Variants in TJP3 observed in about 807,000 individuals in gnomAD.
TJP3 encodes the protein tight junction protein ZO-3.
In TJP3, 85 loss-of-function variants were observed where a neutral mutation model predicts 104.2. That is an observed-to-expected ratio of 0.82 (90% CI 0.68 to 0.98). TJP3 has a LOEUF of 0.98. Ranked by LOEUF, TJP3 falls within the 50% of genes least tolerant of loss-of-function variation. TJP3 has a pLI of 0.00. For missense variants in TJP3, 1,367 were observed against 1,322.8 expected (o/e 1.03, Z -0.52); for synonymous variants, 550 against 550.6 (o/e 1.00, Z 0.02).
At chr19:3,748,713 C>T (rs2036942830) in intron 19 of TJP3, among the ~76,000 whole-genome samples, 1 of 151,146 alleles carries the variant, frequency 6.6e-6, no homozygotes, top group South Asian at 2.1e-4. Flanking sequence ...GGATTACAGG[C>T]GTGCACCACC....
chr19:3,741,759 A>C lies in TJP3; in HGVS notation c.1843+996A>C, dbSNP rs1330677916. Among the ~76,000 whole-genome samples, 3 of 149,170 alleles carry C rather than the reference A, an allele frequency of 2.0e-5. No individual in the cohort carries two copies. The East Asian group carries it at 6.1e-4, about 30-fold the overall frequency. On this transcript the variant is annotated intron_variant, in intron 14 of 20. Coordinates refer to ENST00000541714, the MANE Select transcript of TJP3 (RefSeq NM_001267560.2). Reference sequence around the variant, plus strand: ...TGAGGCAGGTGGATCACCTGAGGTCAGGAGCTCTAGACCAGCCTGGCCCAC... The same window carrying C: ...TGAGGCAGGTGGATCACCTGAGGTCCGGAGCTCTAGACCAGCCTGGCCCAC...
intron 15 of TJP3, among the ~76,000 whole-genome samples, chr19:3,744,805 G>A (rs1030610118): frequency 6.6e-6 from 1 of 152,064 alleles, no homozygotes; most frequent in Non-Finnish European, 1.5e-5. Context: ...GCGCATGCCT[G>A]TAATCCCAGC....
Position 3,735,640 on chromosome 19 carries a change from G to A in TJP3, c.1060+1G>A, listed in dbSNP as rs1023383279. 2 of 1,614,202 alleles carry A rather than the reference G, an allele frequency of 1.2e-6. No homozygotes were observed. The highest frequency in any genetic ancestry group is 8.5e-7 in the Non-Finnish European group (1 of 1,180,046). On this transcript the variant is annotated splice_donor_variant, in intron 9 of 20. Transcript: ENST00000541714. LOFTEE classifies it high-confidence loss of function. ...TCGGAACCAGATGAGCAACGGTCAG[G>A]TGGGTGGTGACTCTGAGCACCCCTG... is the stretch of plus-strand genomic sequence containing the variant.
Position 3,730,166 on chromosome 19 carries a change from G to C in TJP3, c.261+36G>C. 6.2e-7 allele frequency: 1 copy of C among 1,601,362 alleles called. No individual in the cohort carries two copies. The highest frequency in any genetic ancestry group is 8.6e-7 in the Non-Finnish European group (1 of 1,168,730). ...AGCCCCTGGCATGGCCAGCATCTCT[G>C]ACCCCAGCCTGGGTCGTGCCGCTGT... On this transcript the variant is annotated intron_variant, in intron 4 of 20. Transcript: ENST00000541714. The surrounding 1 kb of genome is among the most constrained non-coding windows in gnomAD (Gnocchi z 7.3).
Position 3,750,774 on chromosome 19 carries a change from C to T in TJP3, c.*90C>T, listed in dbSNP as rs372462135. The stretch of plus-strand genomic sequence containing the variant: ...CATACAGAACCCACAACCTTACCTC[C>T]CTCCGCCTGGTCTTTAATAAACAGA... On this transcript the variant is annotated 3_prime_UTR_variant, in exon 21 of 21. Coordinates refer to ENST00000541714, the MANE Select transcript of TJP3 (RefSeq NM_001267560.2). 1.7e-6 allele frequency: 2 copies of T among 1,170,110 alleles called. No homozygotes were observed. The highest frequency in any genetic ancestry group is 3.1e-5 in the African/African-American group (2 of 65,376). 72.5% of individuals were successfully genotyped at this position (1,170,110 alleles called of 1,614,324 possible).
At chr19:3,717,647 C>T (rs918072391) in intron 1 of TJP3, among the ~76,000 whole-genome samples, 1 of 151,850 alleles carries the variant, frequency 6.6e-6, no homozygotes, top group African/African-American at 2.4e-5. Flanking sequence ...GTGGGCCAGG[C>T]TGGCCTCCAA....
At position 3,746,630 on chromosome 19, in the gene TJP3, G is replaced by T. The variant is rs142067032; in HGVS notation, c.2156G>T (p.Arg719Leu). Reference sequence around the variant, plus strand: ...CAGTGGCTGGCGCCTGCCTCCCGCCGCAGCACCCGTCGCCTCTACGCACAA... The same window carrying T: ...CAGTGGCTGGCGCCTGCCTCCCGCCTCAGCACCCGTCGCCTCTACGCACAA... Reference protein sequence around the residue: ...LRQWLAPASRRSTRRLYAQAQ... With the variant: ...LRQWLAPASRLSTRRLYAQAQ... Residue 719 changes from arginine (R) to leucine (L), a missense_variant, in exon 17 of 21, where the codon CGC (arginine) becomes CTC (leucine). Physicochemically the swap from Arg to Leu is moderately radical, Grantham distance 102. Transcript: ENST00000541714. The surrounding 1 kb of genome is among the most constrained non-coding windows in gnomAD (Gnocchi z 4.1). 6.2e-7 allele frequency: 1 copy of T among 1,613,166 alleles called. No homozygotes were observed. The highest frequency in any genetic ancestry group is 1.1e-5 in the South Asian group (1 of 91,054).
chr19:3,740,657 T>C lies in TJP3; in HGVS notation c.1737T>C (p.Gly579=). ...NARAEFWRLR[G]LRRGAKKTTQ... ...GGGCCGAGTTCTGGCGGCTGCGGGGTCTTCGTCGAGGAGCCAAGAAGACCA... is the reference window on the plus strand; with the variant it reads ...GGGCCGAGTTCTGGCGGCTGCGGGGCCTTCGTCGAGGAGCCAAGAAGACCA... The change falls in exon 14 of 21, where the codon GGT becomes GGC. Residue 579 remains glycine (G), a synonymous_variant. Transcript: ENST00000541714. 2 of 1,606,080 alleles carry C rather than the reference T, an allele frequency of 1.2e-6. No homozygotes were observed. Among genetic ancestry groups the C allele is most frequent in the Non-Finnish European group, 1.7e-6 (2 of 1,176,958 alleles).
At position 3,730,387 on chromosome 19, in the gene TJP3, C is replaced by A; in HGVS notation, c.294C>A (p.Pro98=). The A allele has an allele frequency of 1.9e-6, 3 of 1,554,000 alleles. No homozygotes were observed. The highest frequency in any genetic ancestry group is 2.6e-6 in the Non-Finnish European group (3 of 1,152,626). The change falls in exon 5 of 21, where the codon CCC becomes CCA. Residue 98 remains proline (P), a synonymous_variant. Coordinates refer to ENST00000541714, the MANE Select transcript of TJP3 (RefSeq NM_001267560.2). The surrounding 1 kb of genome is among the most constrained non-coding windows in gnomAD (Gnocchi z 7.3). ...AACGTCCCCGGAGGATCCACCTGCC[C>A]GCCACCAAAGCCAGCCCCTCCAGCC... ...TVKRPRRIHL[P]ATKASPSSPG... is the part of the protein sequence containing the mutation.
intron 14 of TJP3, among the ~76,000 whole-genome samples, chr19:3,742,328 C>A (rs377371211): frequency 1.3e-5 from 2 of 150,962 alleles, no homozygotes; most frequent in African/African-American, 4.9e-5. Flanking sequence ...AGCTACTTGG[C>A]AGGCTGAGGT....
chr19:3,712,079 G>A (rs1191244077), intron 1 of TJP3, among the ~76,000 whole-genome samples: 2 of 152,148 alleles, frequency 1.3e-5, no homozygotes, highest in African/African-American at 4.8e-5. Flanking sequence ...ATTTTGGGAG[G>A]CCAAGGCAGG....
In TJP3 at chr19:3,746,029, ACAGCCCCT is replaced by A; in HGVS notation, c.1960_1967del (p.Ser654GlnfsTer94). On this transcript the variant is annotated frameshift_variant, in exon 16 of 21. Transcript: ENST00000541714. LOFTEE classifies it high-confidence loss of function. This position sits in a 1 kb window ranked among gnomAD's most constrained non-coding sequence, Gnocchi z 4.1. Reference sequence around the variant, plus strand: ...TCCACAGAGACTGTGTCCAGGACCGACAGCCCCTCCAAGATCATCAAACTAGACACCGT... The same window carrying A: ...TCCACAGAGACTGTGTCCAGGACCGACCAAGATCATCAAACTAGACACCGT... 6.2e-7 allele frequency: 1 copy of A among 1,609,010 alleles called. No individual in the cohort carries two copies. Among genetic ancestry groups the A allele is most frequent in the Non-Finnish European group, 8.5e-7 (1 of 1,177,576 alleles).
In TJP3 at chr19:3,739,119, T is replaced by C; in HGVS notation, c.1616T>C (p.Ile539Thr). ...CTGCGGGAGCAAGAGCGGGGCATCA[T>C]TCCCAACCAGAGCAGGTGGGGACTG... Reference protein sequence around the residue: ...RDLREQERGIIPNQSRAEQLA... With the variant: ...RDLREQERGITPNQSRAEQLA... Residue 539 changes from isoleucine (I) to threonine (T), a missense_variant, in exon 13 of 21, where the codon ATT becomes ACT. Physicochemically the swap from Ile to Thr is moderately conservative, Grantham distance 89. Coordinates refer to ENST00000541714, the MANE Select transcript of TJP3 (RefSeq NM_001267560.2). 1 of 1,562,606 alleles carries C rather than the reference T, an allele frequency of 6.4e-7. No homozygotes were observed. Among genetic ancestry groups the C allele is most frequent in the Non-Finnish European group, 8.7e-7 (1 of 1,151,676 alleles).
intron 3 of TJP3, 36 bp from the exon 4 acceptor site, chr19:3,729,992 A>G (rs746788490): frequency 2.5e-6 from 4 of 1,593,522 alleles, no homozygotes; most frequent in South Asian, 1.1e-5. Flanking sequence ...TCTCCCCTGC[A>G]AAGCCTCCTC....
chr19:3,748,324 T>C (rs1163775061), intron 19 of TJP3, among the ~76,000 whole-genome samples: 1 of 144,854 alleles, frequency 6.9e-6, no homozygotes, highest in Non-Finnish European at 1.5e-5. Context: ...TAGGCTGGAG[T>C]GCAATGGCGC....
chr19:3,749,705 A>G lies in TJP3; in HGVS notation c.2611-433A>G, dbSNP rs117416680. 158 of 187,902 alleles carry G rather than the reference A, an allele frequency of 8.4e-4. 3 individuals carry two copies. The East Asian group carries it at 0.02, about 23-fold the overall frequency. 11.6% of individuals were successfully genotyped at this position (187,902 alleles called of 1,614,324 possible). On this transcript the variant is annotated intron_variant, in intron 19 of 20. Coordinates refer to ENST00000541714, the MANE Select transcript of TJP3 (RefSeq NM_001267560.2). ...TAGCTCTTAGTGTATATGCCTCAGC[A>G]TCTTCTTCCACACCCTCTCTAGGTC... is the stretch of plus-strand genomic sequence containing the variant.
At chr19:3,734,984 A>G (rs1452401340) in intron 8 of TJP3, among the ~76,000 whole-genome samples, 1 of 151,754 alleles carries the variant, frequency 6.6e-6, no homozygotes, top group Non-Finnish European at 1.5e-5. Flanking sequence ...TCCTCTATTT[A>G]TTTATTTGTT....
intron 1 of TJP3, among the ~76,000 whole-genome samples, chr19:3,722,862 G>T (rs1178858276): frequency 7.8e-6 from 1 of 127,888 alleles, no homozygotes; most frequent in Non-Finnish European, 1.6e-5. Flanking sequence ...GTGGCGGGGG[G>T]GGGGGGCACA....
Position 3,739,061 on chromosome 19 carries a change from G to A in TJP3, c.1558G>A (p.Gly520Ser). ...CCCCGGGCAGAGCCACGCACGAGGAGGCCACTGGCTGGCGGTGCGCATGGG... is the reference window on the plus strand; with the variant it reads ...CCCCGGGCAGAGCCACGCACGAGGAAGCCACTGGCTGGCGGTGCGCATGGG... ...PGPGQSHARG[G>S]HWLAVRMGRD... is the part of the protein sequence containing the mutation. Residue 520 changes from glycine (G) to serine (S), a missense_variant, in exon 13 of 21, where the codon GGC becomes AGC. Transcript: ENST00000541714. 1.2e-6 allele frequency: 2 copies of A among 1,608,772 alleles called. No homozygotes were observed. The highest frequency in any genetic ancestry group is 1.7e-6 in the Non-Finnish European group (2 of 1,177,288).
Sources: allele counts gnomAD v4.1 joint callset (sites outside exome capture counted in the v4.1 genomes callset), GRCh38; gene constraint gnomAD v4.1.1; non-coding constraint Gnocchi (gnomAD v3.1); transcripts MANE v1.5; gene names NCBI Gene and HGNC (gene_info 2026-07-23, HGNC 2026-07-21).